The following AMBP variants were observed in gnomAD, a reference collection of about 807,000 sequenced individuals.
The protein encoded by AMBP is protein AMBP.
In AMBP, 37 loss-of-function variants were observed where a neutral mutation model predicts 46.3. The observed-to-expected ratio is 0.80, with a 90% CI of 0.61 to 1.05. The LOEUF (loss-of-function observed/expected upper bound fraction) is 1.05. AMBP is among the 50% of genes least tolerant of loss of function. The probability of loss-of-function intolerance (pLI) is 0.00; values close to 1 mark genes in which losing one functional copy is unlikely to be tolerated. For missense variants in AMBP, 475 were observed against 461.2 expected (o/e 1.03, Z -0.27); for synonymous variants, 174 against 175.9 (o/e 0.99, Z 0.09).
At chr9:114,068,827 A>C (rs1238427607) in intron 6 of AMBP, among the ~76,000 whole-genome samples, 2 of 151,284 alleles carry the variant, frequency 1.3e-5, no homozygotes, top group African/African-American at 2.4e-5. Flanking sequence ...AAAAAAAAAA[A>C]AAAAACCTTT....
intron 6 of AMBP, among the ~76,000 whole-genome samples, chr9:114,063,109 C>T (rs1265926768): frequency 6.6e-6 from 1 of 151,948 alleles, no homozygotes; most frequent in Non-Finnish European, 1.5e-5. Flanking sequence ...GATGTGAAGG[C>T]ATTGTTGCAC....
At chr9:114,060,416 T>G (rs78419635) in intron 9 of AMBP, 146 bp from the exon 10 acceptor site, 1 of 897,728 alleles carries the variant, frequency 1.1e-6, no homozygotes, top group Admixed American at 3.0e-5. Flanking sequence ...GATTTTTTTT[T>G]CCTCTTCTGG....
At chr9:114,060,433 G>A (rs191260022) in intron 9 of AMBP, among the ~76,000 whole-genome samples, 163 bp from the exon 10 acceptor site, 3 of 152,034 alleles carry the variant, frequency 2.0e-5, no homozygotes, top group African/African-American at 4.8e-5. Flanking sequence ...CTGGTTTACC[G>A]CAGGTGCCAT....
intron 6 of AMBP, among the ~76,000 whole-genome samples, chr9:114,063,205 G>A (rs1846660170): frequency 6.6e-6 from 1 of 152,002 alleles, no homozygotes; most frequent in African/African-American, 2.4e-5. Flanking sequence ...AATCCAGAGA[G>A]AAAGAAGGGA....
In AMBP at chr9:114,072,348, T is replaced by C. The variant is rs1846754161; in HGVS notation, c.556+577A>G. ...CTGGCACCATGCCAGCACCTGGAGC[T>C]GCCCACCCCATGGCAGCAGCCAGTA... is the stretch of plus-strand genomic sequence containing the variant. On this transcript the variant is annotated intron_variant, in intron 5 of 9. Transcript: ENST00000265132. Among the ~76,000 whole-genome samples the C allele has an allele frequency of 2.0e-5, 3 of 152,222 alleles. No homozygotes were observed. In the South Asian group the frequency reaches 6.2e-4, roughly 32 times the overall value.
At position 114,063,183 on chromosome 9, in the gene AMBP, GA is replaced by G. The variant is rs397940037; in HGVS notation, c.604-426del. 5.9e-3 allele frequency among the ~76,000 whole-genome samples: 848 copies of G among 144,828 alleles called. 10 individuals are homozygous for G. Among genetic ancestry groups the G allele is most frequent in the East Asian group, 0.036 (182 of 4,998 alleles). Reference sequence around the variant, plus strand: ...ACCAGATCATCATTAGCTGCTTGCAGAAAAAAAAAAAAATCCAGAGAGAAAG... The same window carrying G: ...ACCAGATCATCATTAGCTGCTTGCAGAAAAAAAAAAAATCCAGAGAGAAAG... On this transcript the variant is annotated intron_variant, in intron 6 of 9. Transcript: ENST00000265132.
intron 6 of AMBP, among the ~76,000 whole-genome samples, chr9:114,067,769 C>T (rs1263855463): frequency 6.6e-6 from 1 of 151,892 alleles, no homozygotes; most frequent in Non-Finnish European, 1.5e-5. Context: ...AAGGAACACG[C>T]GACCCAAGAC....
In AMBP at chr9:114,074,103, C is replaced by T. The variant is rs1588491451; in HGVS notation, c.387G>A (p.Glu129=). The change falls in exon 4 of 10, where the codon GAG becomes GAA. Residue 129 remains glutamate (E), a synonymous_variant. Coordinates refer to ENST00000265132, the MANE Select transcript of AMBP (RefSeq NM_001633.4). ...ATTTCTTGGTCAGGAAAATGGCATA[C>T]TCATCATAGTTGGTGTGGACCACAT... ...ESYVVHTNYD[E]YAIFLTKKFS... 1 of 1,614,114 alleles carries T rather than the reference C, an allele frequency of 6.2e-7. No homozygotes were observed. The highest frequency in any genetic ancestry group is 8.5e-7 in the Non-Finnish European group (1 of 1,180,038).
chr9:114,078,222 C>T lies in AMBP; in HGVS notation c.-13G>A. 6.2e-7 allele frequency: 1 copy of T among 1,610,206 alleles called. No individual in the cohort carries two copies. ...CGAGGCTCCTCATGGCTATGGGCTC[C>T]TCTGCCTTGGTATATCCCACAGGCT... is the stretch of plus-strand genomic sequence containing the variant. On this transcript the variant is annotated 5_prime_UTR_variant, in exon 1 of 10. Coordinates refer to ENST00000265132, the MANE Select transcript of AMBP (RefSeq NM_001633.4).
chr9:114,070,056 T>G, intron 5 of AMBP: 1 of 354,026 alleles, frequency 2.8e-6, no homozygotes, highest in Non-Finnish European at 5.1e-6. Context: ...TTGTACTTAA[T>G]GGTTTTATTG....
chr9:114,061,456 T>C lies in AMBP; in HGVS notation c.821A>G (p.Glu274Gly). ...TCGGCAGGTCTGCAGACACTCCTTT[T>C]CTGTGACGAAGTTGTTACCGTTGCC... Reference protein sequence around the residue: ...CMGNGNNFVTEKECLQTCRTV... With the variant: ...CMGNGNNFVTGKECLQTCRTV... The change falls in exon 8 of 10, where the codon GAA (glutamate) becomes GGA (glycine). Residue 274 changes from glutamate (E) to glycine (G), a missense_variant. Transcript: ENST00000265132. The C allele has an allele frequency of 1.9e-6, 3 of 1,614,106 alleles. No homozygotes were observed. Among genetic ancestry groups the C allele is most frequent in the Non-Finnish European group, 1.7e-6 (2 of 1,180,014 alleles).
chr9:114,061,389 G>C, intron 8 of AMBP, 35 bp downstream of exon 8: 2 of 1,613,372 alleles, frequency 1.2e-6, no homozygotes. Context: ...GGTCTTGAGG[G>C]TGCAGAGCGC....
intron 6 of AMBP, among the ~76,000 whole-genome samples, chr9:114,066,289 A>G (rs886996932): frequency 6.6e-6 from 1 of 152,198 alleles, no homozygotes; most frequent in African/African-American, 2.4e-5. Flanking sequence ...GTGATACCAG[A>G]AGAAAACAGA....
In AMBP at chr9:114,070,006, A is replaced by C. The variant is rs1359487328; in HGVS notation, c.557-261T>G. 4 of 528,664 alleles carry C rather than the reference A, an allele frequency of 7.6e-6. No homozygotes were observed. The East Asian group carries it at 1.3e-4, about 17-fold the overall frequency. 32.7% of individuals were successfully genotyped at this position (528,664 alleles called of 1,614,324 possible). ...TTATCAGCATCATGGAAAGAATAGC[A>C]ATAGCTAACACTGACTGAGCATTTA... On this transcript the variant is annotated intron_variant, in intron 5 of 9. Coordinates refer to ENST00000265132, the MANE Select transcript of AMBP (RefSeq NM_001633.4).
Position 114,073,019 on chromosome 9 carries a change from C to T in AMBP, c.462G>A (p.Ala154=), listed in dbSNP as rs368413220. The T allele has an allele frequency of 2.3e-5, 37 of 1,612,882 alleles. No homozygotes were observed. The South Asian group carries it at 2.6e-4, about 12-fold the overall frequency. Reference sequence around the variant, plus strand: ...GCAGGAGAGTTTCCCTCAGCTGCGGCGCCCGCCCTGCAAGGAGGAAGCAGA... The same window carrying T: ...GCAGGAGAGTTTCCCTCAGCTGCGGTGCCCGCCCTGCAAGGAGGAAGCAGA... ...PTITAKLYGR[A]PQLRETLLQD... Residue 154 remains alanine, a synonymous_variant, in exon 5 of 10, where the codon GCG becomes GCA. Transcript: ENST00000265132.
At chr9:114,062,566 G>GGACTTTA in intron 7 of AMBP, 111 bp downstream of exon 7, 1 of 1,101,164 alleles carries the variant, frequency 9.1e-7, no homozygotes, top group Non-Finnish European at 1.4e-6. Flanking sequence ...CAGCCCTTGA[G>GGACTTTA]TCTCTAACAG....
rs80057939 is a variant in AMBP, at chr9:114,060,230, G to A, written c.*9C>T. ...CTGGCCATCCTCTGACTTGCAGACC[G>A]GCCAGTTGTCAGTTGGAGAAGCGCA... On this transcript the variant is annotated 3_prime_UTR_variant, in exon 10 of 10. Transcript: ENST00000265132. 53,725 of 1,612,432 alleles carry A rather than the reference G, an allele frequency of 0.033. 1,655 individuals carry two copies. The highest frequency in any genetic ancestry group is 0.16 in the African/African-American group (12,007 of 74,954).
chr9:114,069,564 T>TC, intron 6 of AMBP, 135 bp downstream of exon 6: 1 of 805,336 alleles, frequency 1.2e-6, no homozygotes, highest in Non-Finnish European at 2.0e-6. Context: ...ACTTCAACAC[T>TC]CATGGCCATC....
At chr9:114,077,054 T>C (rs1373849422) in intron 1 of AMBP, among the ~76,000 whole-genome samples, 1 of 152,154 alleles carries the variant, frequency 6.6e-6, no homozygotes, top group Non-Finnish European at 1.5e-5. Flanking sequence ...CATCAACCAC[T>C]GCTCCCCAAG....
Sources: gnomAD v4.1 joint callset for allele counts (sites outside exome capture counted in the v4.1 genomes callset) on GRCh38, gnomAD v4.1.1 for gene constraint, MANE v1.5 for transcripts, NCBI Gene and HGNC (gene_info 2026-07-23, HGNC 2026-07-21) for gene names.